Variants in ELL observed in about 807,000 individuals in gnomAD.
ELL encodes the protein elongation factor for RNA polymerase II.
A neutral mutation model predicts 64.0 loss-of-function variants in ELL; 18 were observed. The observed-to-expected ratio is 0.28, with a 90% confidence interval of 0.19 to 0.42. The LOEUF is 0.42. Among genes scored for constraint, ELL ranks in the 10% least tolerant of loss-of-function variants. The pLI is 1.00. For missense variants in ELL, 797 were observed against 870.4 expected (o/e 0.92, Z 1.06); for synonymous variants, 399 against 376.2 (o/e 1.06, Z -0.70).
chr19:18,460,554 AG>A (rs1446091961), intron 5 of ELL, among the ~76,000 whole-genome samples: 8 of 152,300 alleles, frequency 5.3e-5, no homozygotes, highest in African/African-American at 1.7e-4. Context: ...TAGCCTTGGG[AG>A]CAGGATGGGG....
intron 1 of ELL, among the ~76,000 whole-genome samples, chr19:18,505,648 C>T (rs1333558408): frequency 6.6e-6 from 1 of 152,180 alleles, no homozygotes; most frequent in Non-Finnish European, 1.5e-5. Context: ...TGACTGGCGC[C>T]TTGCAAGCCA....
At chr19:18,488,254 A>G (rs1422694908) in intron 1 of ELL, among the ~76,000 whole-genome samples, 1 of 152,206 alleles carries the variant, frequency 6.6e-6, no homozygotes, top group Non-Finnish European at 1.5e-5. Context: ...TTCTTCCCAG[A>G]AAGATGCCCG....
At chr19:18,504,069 G>T (rs978442545) in intron 1 of ELL, among the ~76,000 whole-genome samples, 2 of 152,250 alleles carry the variant, frequency 1.3e-5, no homozygotes, top group African/African-American at 4.8e-5. Flanking sequence ...TGGCTGCAGC[G>T]TGCAGAGGAT....
intron 1 of ELL, among the ~76,000 whole-genome samples, chr19:18,478,222 G>A (rs1410868799): frequency 6.6e-6 from 1 of 152,218 alleles, no homozygotes; most frequent in Non-Finnish European, 1.5e-5. Flanking sequence ...CTTGTCAGGG[G>A]GGCCAAGCGC....
intron 1 of ELL, among the ~76,000 whole-genome samples, chr19:18,486,373 T>G (rs755151622): frequency 5.3e-5 from 8 of 152,202 alleles, no homozygotes; most frequent in Admixed American, 1.3e-4. Flanking sequence ...AGATGTACTC[T>G]GTGACCCAGA....
intron 1 of ELL, among the ~76,000 whole-genome samples, chr19:18,474,270 T>G (rs1975129433): frequency 6.6e-6 from 1 of 152,236 alleles, no homozygotes; most frequent in Non-Finnish European, 1.5e-5. Context: ...CCCTGAGCCA[T>G]GGGTCTGCTT....
chr19:18,520,924 G>T (rs953417676), intron 1 of ELL, among the ~76,000 whole-genome samples: 2 of 151,760 alleles, frequency 1.3e-5, no homozygotes, highest in Non-Finnish European at 2.9e-5. Context: ...GACGGGGGGA[G>T]GGGGGGCCAT....
In ELL at chr19:18,458,194, G is replaced by A. The variant is rs199822246; in HGVS notation, c.869+11C>T. On this transcript the variant is annotated intron_variant, in intron 6 of 11. Transcript: ENST00000262809. ...GGTGGGGACATGCTGGGGGATGGGAGGCGGCATTACCGGACGAGCACCCGC... is the reference window on the plus strand; with the variant it reads ...GGTGGGGACATGCTGGGGGATGGGAAGCGGCATTACCGGACGAGCACCCGC... The A allele has an allele frequency of 5.0e-6, 8 of 1,607,250 alleles. No individual in the cohort carries two copies. In the East Asian group the frequency reaches 1.8e-4, roughly 36 times the overall value.
At chr19:18,468,360 G>A (rs1317867271) in intron 2 of ELL, among the ~76,000 whole-genome samples, 3 of 152,166 alleles carry the variant, frequency 2.0e-5, no homozygotes, top group African/African-American at 7.2e-5. Flanking sequence ...GTCCTGCTTC[G>A]ACGCCACTGA....
intron 4 of ELL, among the ~76,000 whole-genome samples, chr19:18,465,050 T>G (rs924074193): frequency 1.3e-5 from 2 of 152,186 alleles, no homozygotes; most frequent in Non-Finnish European, 2.9e-5. Flanking sequence ...ATGCCCATCT[T>G]CAGGGAGCCT....
intron 1 of ELL, among the ~76,000 whole-genome samples, chr19:18,487,338 G>C (rs2144949637): frequency 6.6e-6 from 1 of 152,360 alleles, no homozygotes; most frequent in South Asian, 2.1e-4. Context: ...GCATCAAGGA[G>C]GTGCCACGAG....
intron 1 of ELL, among the ~76,000 whole-genome samples, chr19:18,502,419 C>A (rs1429935095): frequency 6.6e-6 from 1 of 152,130 alleles, no homozygotes; most frequent in Non-Finnish European, 1.5e-5. Context: ...GGTGACTGTG[C>A]CTCGCAGTGG....
chr19:18,482,840 G>T (rs1488865280), intron 1 of ELL, among the ~76,000 whole-genome samples: 6 of 152,058 alleles, frequency 3.9e-5, no homozygotes, highest in Non-Finnish European at 7.4e-5. Context: ...TGCCCAGGCA[G>T]TGGGCAGTGG....
chr19:18,515,587 G>A (rs1053035696), intron 1 of ELL, among the ~76,000 whole-genome samples: 19 of 152,228 alleles, frequency 1.2e-4, no homozygotes, highest in Non-Finnish European at 7.3e-5. Context: ...CAGCACTGGC[G>A]GGGTGGGGCA....
intron 1 of ELL, among the ~76,000 whole-genome samples, chr19:18,499,855 C>T (rs554413240): frequency 2.8e-4 from 42 of 152,330 alleles, no homozygotes; most frequent in Non-Finnish European, 5.3e-4. Context: ...GGAGGAAGAG[C>T]GGGGCCGAGG....
chr19:18,512,761 A>C (rs894665940), intron 1 of ELL, among the ~76,000 whole-genome samples: 1 of 152,116 alleles, frequency 6.6e-6, no homozygotes, highest in African/African-American at 2.4e-5. Context: ...AGCCTGTCTC[A>C]CCTCTAGGAC....
chr19:18,466,816 G>A (rs1259143902), intron 2 of ELL, among the ~76,000 whole-genome samples: 1 of 152,192 alleles, frequency 6.6e-6, no homozygotes, highest in Non-Finnish European at 1.5e-5. Context: ...GACAACATGG[G>A]GGGAGCCCTC....
chr19:18,469,474 A>C (rs1216836929), intron 2 of ELL, among the ~76,000 whole-genome samples: 3 of 152,232 alleles, frequency 2.0e-5, no homozygotes, highest in African/African-American at 7.2e-5. Context: ...GCCCCTGCTC[A>C]GCCTTCTGAA....
At chr19:18,462,376 G>T (rs1220508610) in intron 4 of ELL, among the ~76,000 whole-genome samples, 1 of 61,390 alleles carries the variant, frequency 1.6e-5, no homozygotes, top group Non-Finnish European at 2.8e-5. Flanking sequence ...TGGGCGGGGG[G>T]CGGGGGGGGA....
Sources: allele counts gnomAD v4.1 joint callset (sites outside exome capture counted in the v4.1 genomes callset), GRCh38; gene constraint gnomAD v4.1.1; transcripts MANE v1.5; gene names NCBI Gene and HGNC (gene_info 2026-07-23, HGNC 2026-07-21).